ADCY8: variants seen among roughly 807,000 people sequenced by gnomAD.
ADCY8 encodes adenylate cyclase type 8.
ADCY8 carries 51 observed loss-of-function variants against 119.7 expected under a neutral mutation model. The ratio of observed to expected loss-of-function variants is 0.43; its 90% confidence interval spans 0.34 to 0.54. The LOEUF (loss-of-function observed/expected upper bound fraction) is 0.54, where lower values mean the gene tolerates loss of function less well. Among genes scored for constraint, ADCY8 ranks in the 20% least tolerant of loss-of-function variants. The pLI is 0.03. For missense variants in ADCY8, 1,383 were observed against 1,598.8 expected, an observed-to-expected ratio of 0.87 and a Z score of 2.30; for synonymous variants, 665 against 651.0, an observed-to-expected ratio of 1.02 and a Z score of -0.33.
Position 130,909,691 on chromosome 8 carries a change from G to T in ADCY8, c.1640+17C>A. On this transcript the variant is annotated intron_variant, in intron 6 of 17. Coordinates refer to ENST00000286355, the MANE Select transcript of ADCY8 (RefSeq NM_001115.3). ...ATGACAACCGTTAAGCATGAAAAGGGCTTTGCTTTATCTTACCCAGGGATT... is the reference window on the plus strand; with the variant it reads ...ATGACAACCGTTAAGCATGAAAAGGTCTTTGCTTTATCTTACCCAGGGATT... 7 of 1,613,894 alleles carry T rather than the reference G, an allele frequency of 4.3e-6. No individual in the cohort carries two copies. The highest frequency in any genetic ancestry group is 5.9e-6 in the Non-Finnish European group (7 of 1,179,862).
At chr8:131,037,145 C>T (rs1053257372) in intron 1 of ADCY8, among the ~76,000 whole-genome samples, 6 of 152,128 alleles carry the variant, frequency 3.9e-5, no homozygotes, top group African/African-American at 1.4e-4. Flanking sequence ...GGGGAGAGCG[C>T]TCTGGTTGTT....
intron 1 of ADCY8, among the ~76,000 whole-genome samples, chr8:131,014,615 G>T (rs1262795822): frequency 6.6e-6 from 1 of 152,078 alleles, no homozygotes; most frequent in Non-Finnish European, 1.5e-5. Context: ...TCACCATAGT[G>T]CTTGCAATTC....
intron 1 of ADCY8, among the ~76,000 whole-genome samples, chr8:130,992,894 C>G (rs1411178): frequency 0.44 from 67,324 of 151,816 alleles, 15,311 homozygotes; most frequent in East Asian, 0.79. Context: ...CATATTTACA[C>G]GTTCAATAAT....
In ADCY8 at chr8:130,839,937, G is replaced by A. The variant is rs1002746320; in HGVS notation, c.2503-3488C>T. 2.3e-4 allele frequency among the ~76,000 whole-genome samples: 32 copies of A among 140,126 alleles called. 9 individuals carry two copies. Among genetic ancestry groups the A allele is most frequent in the Admixed American group, 7.3e-5 (1 of 13,756 alleles). 91.9% of individuals were successfully genotyped at this position (140,126 alleles called of 152,430 possible). On this transcript the variant is annotated intron_variant, in intron 11 of 17. Transcript: ENST00000286355. ...ATTGCGGTAGGGTAGAATATACGATGTATCAGGATTAATTGAGAAAAGCTG... is the reference window on the plus strand; with the variant it reads ...ATTGCGGTAGGGTAGAATATACGATATATCAGGATTAATTGAGAAAAGCTG...
intron 8 of ADCY8, among the ~76,000 whole-genome samples, chr8:130,871,942 TCA>T (rs113463954): frequency 0.09 from 13,479 of 150,330 alleles, 626 homozygotes; most frequent in Non-Finnish European, 0.1. Flanking sequence ...AACTTGGCAA[TCA>T]CACACACACA....
intron 9 of ADCY8, among the ~76,000 whole-genome samples, chr8:130,853,848 G>A (rs1191552468): frequency 6.6e-6 from 1 of 152,132 alleles, no homozygotes; most frequent in Non-Finnish European, 1.5e-5. Context: ...TGTGGTCATG[G>A]GCAAGGTAAT....
chr8:130,998,951 A>ATTCC (rs1822860222), intron 1 of ADCY8, among the ~76,000 whole-genome samples: 1 of 152,152 alleles, frequency 6.6e-6, no homozygotes, highest in Non-Finnish European at 1.5e-5. Context: ...ATTTTTAGGA[A>ATTCC]GCTCCCAAGT....
intron 7 of ADCY8, among the ~76,000 whole-genome samples, chr8:130,898,868 C>A (rs78462082): frequency 0.015 from 2,273 of 152,206 alleles, 35 homozygotes; most frequent in Middle Eastern, 0.099. Context: ...ACTCTTGTCC[C>A]GACAGTCCAT....
chr8:131,000,907 C>T lies in ADCY8; in HGVS notation c.961-10365G>A, dbSNP rs79337161. 5.9e-5 allele frequency among the ~76,000 whole-genome samples: 9 copies of T among 152,112 alleles called. No individual in the cohort carries two copies. The East Asian group carries it at 1.8e-3, about 30-fold the overall frequency. The stretch of plus-strand genomic sequence containing the variant: ...ACAGTCTAGAAGACCAGGTTGGCTT[C>T]CAGGTGGCTCTAGGAAATAAAAGAG... On this transcript the variant is annotated intron_variant, in intron 1 of 17. Transcript: ENST00000286355.
intron 8 of ADCY8, among the ~76,000 whole-genome samples, chr8:130,881,615 G>C (rs572950393): frequency 2.0e-3 from 299 of 152,132 alleles, no homozygotes; most frequent in Non-Finnish European, 3.3e-3. Context: ...AAGAGAAAAG[G>C]CTTTAGAATC....
chr8:131,019,797 T>TTCTCTCTCTCTCTC (rs61010907), intron 1 of ADCY8, among the ~76,000 whole-genome samples: 2 of 104,928 alleles, frequency 1.9e-5, no homozygotes, highest in African/African-American at 7.7e-5. Context: ...ATGGAACAAA[T>TTCTCTCTCTCTCTC]TCTCTCTCTC....
At chr8:130,896,629 C>G (rs949273180) in intron 7 of ADCY8, among the ~76,000 whole-genome samples, 1 of 152,086 alleles carries the variant, frequency 6.6e-6, no homozygotes, top group African/African-American at 2.4e-5. Context: ...TGTTTATCTA[C>G]ATAAAATCAT....
At chr8:130,794,455 A>T (rs2130086329) in intron 15 of ADCY8, among the ~76,000 whole-genome samples, 1 of 152,274 alleles carries the variant, frequency 6.6e-6, no homozygotes, top group Non-Finnish European at 1.5e-5. Context: ...TATGTTGGCC[A>T]GACTGGTCTC....
intron 15 of ADCY8, among the ~76,000 whole-genome samples, chr8:130,792,479 T>G (rs1356479456): frequency 6.6e-6 from 1 of 152,192 alleles, no homozygotes. Flanking sequence ...ATTATAGGTC[T>G]AACAGGTGTC....
rs1457555395 is a variant in ADCY8, at chr8:130,919,357, C to T, written c.1482-9491G>A. Among the ~76,000 whole-genome samples the T allele has an allele frequency of 2.0e-5, 3 of 152,288 alleles. 1 individual carries two copies. In the East Asian group the frequency reaches 5.8e-4, roughly 29 times the overall value. ...GATGTATGTTGTGATGGGCTATGGC[C>T]AGGCCAGCTGTAGGCACATAGATAC... On this transcript the variant is annotated intron_variant, in intron 5 of 17. Transcript: ENST00000286355.
intron 1 of ADCY8, among the ~76,000 whole-genome samples, chr8:131,037,899 T>C (rs1211188750): frequency 6.6e-6 from 1 of 152,192 alleles, no homozygotes; most frequent in African/African-American, 2.4e-5. Flanking sequence ...GTGACTGTGA[T>C]AAAACACTCA....
chr8:130,996,074 T>G (rs79707709), intron 1 of ADCY8, among the ~76,000 whole-genome samples: 2 of 152,034 alleles, frequency 1.3e-5, no homozygotes, highest in African/African-American at 4.8e-5. Flanking sequence ...AGAACAATGA[T>G]CTTACAATAG....
intron 4 of ADCY8, among the ~76,000 whole-genome samples, chr8:130,940,790 C>T (rs560192242): frequency 4.8e-4 from 73 of 152,272 alleles, no homozygotes; most frequent in African/African-American, 1.7e-3. Context: ...TATTGCAATC[C>T]TTTCCTCTTG....
At chr8:130,886,300 G>T (rs1245835943) in intron 7 of ADCY8, among the ~76,000 whole-genome samples, 4 of 152,068 alleles carry the variant, frequency 2.6e-5, no homozygotes, top group African/African-American at 9.7e-5. Flanking sequence ...TGTAATTTCA[G>T]CTCTGAGTAC....
Sources: allele counts gnomAD v4.1 joint callset (sites outside exome capture counted in the v4.1 genomes callset), GRCh38; gene constraint gnomAD v4.1.1; transcripts MANE v1.5; gene names NCBI Gene and HGNC (gene_info 2026-07-23, HGNC 2026-07-21).